The following TRPC5 variants were observed in gnomAD, a reference collection of about 807,000 sequenced individuals.
The protein encoded by TRPC5 is transient receptor potential cation channel subfamily C member 5.
A neutral mutation model predicts 56.5 loss-of-function variants in TRPC5; 9 were observed. The ratio of observed to expected loss-of-function variants is 0.16; its 90% CI spans 0.10 to 0.28. The LOEUF (loss-of-function observed/expected upper bound fraction) is 0.28. TRPC5 is among the 10% of genes least tolerant of loss of function. The pLI is 1.00. For missense variants in TRPC5, 469 were observed against 748.9 expected (o/e 0.63, Z 4.36); for synonymous variants, 282 against 278.5 (o/e 1.01, Z -0.13).
At chrX:111,837,099 T>C (rs1020913039) in intron 6 of TRPC5, among the ~76,000 whole-genome samples, 3 of 112,351 alleles carry the variant, frequency 2.7e-5, no homozygotes, top group Non-Finnish European at 5.6e-5. Context: ...TGAAAGTAAA[T>C]GCCAGCTGGT....
At chrX:111,968,382 G>T (rs1439261744) in intron 1 of TRPC5, among the ~76,000 whole-genome samples, 1 of 111,809 alleles carries the variant, frequency 8.9e-6, no homozygotes, top group East Asian at 2.8e-4. Flanking sequence ...TGGTGGGACT[G>T]TAAACTAGTT....
chrX:112,067,960 C>G (rs1478547115), intron 1 of TRPC5, among the ~76,000 whole-genome samples: 2 of 112,534 alleles, frequency 1.8e-5, no homozygotes, highest in Non-Finnish European at 3.8e-5. Flanking sequence ...TCTTCTTACA[C>G]TTAGAACTAT....
At chrX:111,991,165 C>CAA (rs1928343637) in intron 1 of TRPC5, among the ~76,000 whole-genome samples, 1 of 111,647 alleles carries the variant, frequency 9.0e-6, no homozygotes. Flanking sequence ...GAGATGCTCC[C>CAA]TTTCCCCTCT....
At chrX:111,891,472 C>T (rs890880215) in intron 3 of TRPC5, among the ~76,000 whole-genome samples, 5 of 112,191 alleles carry the variant, frequency 4.5e-5, no homozygotes, top group Non-Finnish European at 9.4e-5. Context: ...GTCAGTTACC[C>T]TCTTTGGTTC....
intron 1 of TRPC5, among the ~76,000 whole-genome samples, chrX:112,033,343 A>AT (rs993717235): frequency 2.7e-5 from 3 of 109,110 alleles, no homozygotes; most frequent in African/African-American, 1.0e-4. Flanking sequence ...TGTTGTGCAC[A>AT]TGTACCCTAG....
At chrX:111,989,669 T>A (rs1928301924) in intron 1 of TRPC5, among the ~76,000 whole-genome samples, 1 of 111,917 alleles carries the variant, frequency 8.9e-6, no homozygotes, top group Non-Finnish European at 1.9e-5. Flanking sequence ...CTCTATGCAG[T>A]TCTCTCTCCA....
At chrX:111,910,760 G>C (rs997153278) in intron 3 of TRPC5, among the ~76,000 whole-genome samples, 1 of 112,175 alleles carries the variant, frequency 8.9e-6, no homozygotes, top group African/African-American at 3.2e-5. Context: ...TCGAACTCTT[G>C]ACCTCAGATG....
At chrX:111,974,044 G>T (rs1480109175) in intron 1 of TRPC5, among the ~76,000 whole-genome samples, 1 of 111,598 alleles carries the variant, frequency 9.0e-6, no homozygotes, top group Non-Finnish European at 1.9e-5. Flanking sequence ...GTCATGGAGG[G>T]GATTTATACT....
intron 2 of TRPC5, among the ~76,000 whole-genome samples, chrX:111,920,802 C>T (rs980136949): frequency 9.0e-6 from 1 of 111,705 alleles, no homozygotes; most frequent in Non-Finnish European, 1.9e-5. Context: ...ATCCACTGTA[C>T]AGCTTGATTC....
chrX:111,880,370 A>T (rs1924152750), intron 3 of TRPC5, among the ~76,000 whole-genome samples: 1 of 112,496 alleles, frequency 8.9e-6, no homozygotes, highest in Non-Finnish European at 1.9e-5. Context: ...TGAATGTGTT[A>T]ACTTTCTAGT....
At chrX:111,924,181 A>C (rs1017131601) in intron 2 of TRPC5, among the ~76,000 whole-genome samples, 1 of 111,567 alleles carries the variant, frequency 9.0e-6, no homozygotes, top group African/African-American at 3.3e-5. Context: ...TAACCAGATT[A>C]CTAGTAAGTA....
chrX:111,868,469 T>A (rs1259360549), intron 3 of TRPC5, among the ~76,000 whole-genome samples: 1 of 112,553 alleles, frequency 8.9e-6, no homozygotes, highest in African/African-American at 3.2e-5. Context: ...AGTTTTTAGG[T>A]GTGTACAAAA....
rs976490099 is a variant in TRPC5, at chrX:111,768,481, C to T, written c.*7832G>A. ...TGAGAAATATGGAATAAATAGAATC[C>T]TGTGAAGAGTTTAACTATTGTTCTG... On this transcript the variant is annotated 3_prime_UTR_variant, in exon 11 of 11. Transcript: ENST00000262839. Among the ~76,000 whole-genome samples, 1 of 111,693 alleles carries T rather than the reference C, an allele frequency of 9.0e-6. No homozygotes were observed. The highest frequency in any genetic ancestry group is 1.9e-5 in the Non-Finnish European group (1 of 53,058).
intron 3 of TRPC5, among the ~76,000 whole-genome samples, chrX:111,894,077 T>TA (rs1924945392): frequency 9.0e-6 from 1 of 111,450 alleles, no homozygotes; most frequent in Non-Finnish European, 1.9e-5. Context: ...AAGGGAACAC[T>TA]ATGGAAAAAA....
At chrX:111,921,492 G>C (rs184166726) in intron 2 of TRPC5, among the ~76,000 whole-genome samples, 1 of 109,919 alleles carries the variant, frequency 9.1e-6, no homozygotes, top group Admixed American at 9.7e-5. Context: ...TTTGTGTTCA[G>C]ATTGAGGTCA....
At chrX:112,030,539 G>A (rs1162512267) in intron 1 of TRPC5, among the ~76,000 whole-genome samples, 2 of 112,090 alleles carry the variant, frequency 1.8e-5, no homozygotes, top group Non-Finnish European at 3.8e-5. Flanking sequence ...TTGCTTATGG[G>A]ATGTGGATAG....
At chrX:112,033,832 G>A (rs144698709) in intron 1 of TRPC5, among the ~76,000 whole-genome samples, 1,450 of 111,763 alleles carry the variant, frequency 0.013, 31 homozygotes, top group African/African-American at 0.045. Flanking sequence ...TAAGGAGGCT[G>A]AGGCAGGAAA....
chrX:111,898,882 A>G (rs1184502882), intron 3 of TRPC5, among the ~76,000 whole-genome samples: 1 of 110,058 alleles, frequency 9.1e-6, no homozygotes, highest in Non-Finnish European at 1.9e-5. Flanking sequence ...TCCCCCACCA[A>G]GGAGAAAGGG....
chrX:112,022,572 C>T (rs1929300185), intron 1 of TRPC5, among the ~76,000 whole-genome samples: 1 of 112,118 alleles, frequency 8.9e-6, no homozygotes, highest in Admixed American at 9.4e-5. Flanking sequence ...AACATCATAA[C>T]TAAAACCTGT....
Sources: gnomAD v4.1 joint callset for allele counts (sites outside exome capture counted in the v4.1 genomes callset) on GRCh38, gnomAD v4.1.1 for gene constraint, MANE v1.5 for transcripts, NCBI Gene and HGNC (gene_info 2026-07-23, HGNC 2026-07-21) for gene names.